Variants in COL5A1 observed in about 807,000 individuals in gnomAD.
COL5A1 encodes the protein collagen alpha-1(V) chain.
Under a neutral mutation model 263.7 loss-of-function variants are expected in COL5A1, and 16 were observed. That is an observed-to-expected ratio of 0.06 (90% CI 0.04 to 0.09). The LOEUF (loss-of-function observed/expected upper bound fraction) is 0.09, where lower values mean the gene tolerates loss of function less well. Among genes scored for constraint, COL5A1 ranks in the 10% least tolerant of loss-of-function variants. The probability of loss-of-function intolerance (pLI) is 1.00; values close to 1 mark genes in which losing one functional copy is unlikely to be tolerated. For synonymous variants in COL5A1, 1,012 were observed against 1,004.5 expected, an observed-to-expected ratio of 1.01 and a Z score of -0.14; for missense variants, 2,036 against 2,540.5, an observed-to-expected ratio of 0.80 and a Z score of 4.27.
At position 134,642,500 on chromosome 9, in the gene COL5A1, T is replaced by TC. The variant is rs1209519756; in HGVS notation, c.109+208dup. ...TGCCCGCGGGCGCGCCGCCGCCCCC[T>TC]CCCCAGACGGGCGGGTCGGGTGGGG... On this transcript the variant is annotated intron_variant, in intron 1 of 65. Transcript: ENST00000371817. The surrounding 1 kb of genome is among the most constrained non-coding windows in gnomAD (Gnocchi z 4.5). 1.5e-5 allele frequency among the ~76,000 whole-genome samples: 2 copies of TC among 129,398 alleles called. No homozygotes were observed. Among genetic ancestry groups the TC allele is most frequent in the Non-Finnish European group, 3.3e-5 (2 of 60,034 alleles). 84.9% of individuals were successfully genotyped at this position (129,398 alleles called of 152,430 possible).
At position 134,785,891 on chromosome 9, in the gene COL5A1, C is replaced by G. The variant is rs569608260; in HGVS notation, c.2593-104C>G. On this transcript the variant is annotated intron_variant, in intron 30 of 65. Transcript: ENST00000371817. The stretch of plus-strand genomic sequence containing the variant: ...GTGCCCCCGCCTCTGGAAACCACAC[C>G]CTCCTCCAGGCCCCTGCCAGAACGC... The G allele has an allele frequency of 2.8e-6, 3 of 1,082,698 alleles. No homozygotes were observed. The East Asian group carries it at 7.7e-5, about 28-fold the overall frequency. 67.1% of individuals were successfully genotyped at this position (1,082,698 alleles called of 1,614,324 possible). A position where few individuals can be genotyped will look rare whatever the true frequency, so the allele number is the denominator to read the frequency against.
rs1836607230 is a variant in COL5A1 at position 134,765,075 on chromosome 9, T to C, written c.2035-606T>C. Among the ~76,000 whole-genome samples the C allele has an allele frequency of 6.6e-6, 1 of 151,970 alleles. No individual in the cohort carries two copies. Among genetic ancestry groups the C allele is most frequent in the Admixed American group, 6.5e-5 (1 of 15,270 alleles). On this transcript the variant is annotated intron_variant, in intron 20 of 65. Coordinates refer to ENST00000371817, the MANE Select transcript of COL5A1 (RefSeq NM_000093.5). The surrounding 1 kb of genome is among the most constrained non-coding windows in gnomAD (Gnocchi z 5.1). ...ACTCCACCTGCGGTAAAGGGGAGGT[T>C]CTGCACGAGCCTCGCCGACCGGAGA...
At chr9:134,713,171 T>G (rs765279590) in intron 4 of COL5A1, among the ~76,000 whole-genome samples, 4 of 152,226 alleles carry the variant, frequency 2.6e-5, no homozygotes, top group Non-Finnish European at 5.9e-5. Context: ...GATAGTGAGT[T>G]TTACCCTAGA....
rs762750454 is a variant in COL5A1 at position 134,768,452 on chromosome 9, G to A, written c.2275G>A (p.Asp759Asn). 6.2e-7 allele frequency: 1 copy of A among 1,614,070 alleles called. No individual in the cohort carries two copies. The highest frequency in any genetic ancestry group is 8.5e-7 in the Non-Finnish European group (1 of 1,180,004). Residue 759 changes from aspartate to asparagine, a missense_variant, in exon 25 of 66, where the codon GAC becomes AAC. Around this residue, in one of 3 missense-constraint regions of COL5A1, gnomAD observed 1,078 missense variants for 1,521.4 expected, o/e 0.71. Coordinates refer to ENST00000371817, the MANE Select transcript of COL5A1 (RefSeq NM_000093.5). ...KPGLPGMPGA[D>N]GPPGHPGKEG... ...AGGCCTTCCAGGAATGCCCGGTGCT[G>A]ACGGACCCCCGGTGAGTAGCCCTGC... is the stretch of plus-strand genomic sequence containing the variant.
chr9:134,743,031 G>C (rs758498223), intron 11 of COL5A1, among the ~76,000 whole-genome samples: 4 of 152,152 alleles, frequency 2.6e-5, no homozygotes, highest in Admixed American at 6.5e-5. Flanking sequence ...GCTTGTGAGC[G>C]CCCCCTACAT....
chr9:134,786,007 G>C lies in COL5A1; in HGVS notation c.2605G>C (p.Val869Leu). 6.2e-7 allele frequency: 1 copy of C among 1,613,464 alleles called. No individual in the cohort carries two copies. Among genetic ancestry groups the C allele is most frequent in the Non-Finnish European group, 8.5e-7 (1 of 1,179,790 alleles). Residue 869 changes from valine to leucine, a missense_variant, in exon 31 of 66, where the codon GTC becomes CTC. Physicochemically the swap from Val to Leu is conservative, Grantham distance 32. Transcript: ENST00000371817. ...GPPGEKGKLG[V>L]PGLPGYPGRQ... Reference sequence around the variant, plus strand: ...TTTCTTCCCCCAGGGAAAACTCGGAGTCCCAGGGTTACCAGGGTATCCAGG... The same window carrying C: ...TTTCTTCCCCCAGGGAAAACTCGGACTCCCAGGGTTACCAGGGTATCCAGG...
intron 11 of COL5A1, among the ~76,000 whole-genome samples, chr9:134,740,072 T>C (rs951515410): frequency 6.6e-6 from 1 of 152,214 alleles, no homozygotes; most frequent in African/African-American, 2.4e-5. Flanking sequence ...AGGCGGGTCT[T>C]GCTCCATGGC....
At chr9:134,726,575 G>T (rs1289691312) in intron 4 of COL5A1, among the ~76,000 whole-genome samples, 1 of 151,988 alleles carries the variant, frequency 6.6e-6, no homozygotes, top group African/African-American at 2.4e-5. Context: ...TGGACAGACG[G>T]ATGGAGGAGT....
rs1833452344 is a variant in COL5A1 at position 134,696,102 on chromosome 9, C to A, written c.278-3807C>A. On this transcript the variant is annotated intron_variant, in intron 2 of 65. Transcript: ENST00000371817. The surrounding 1 kb of genome is among the most constrained non-coding windows in gnomAD (Gnocchi z 4.3). ...GCCCCCTGTCCAAAGTTAGCCACACCCCGCATTCATTTCCTATCCTCTGAC... is the reference window on the plus strand; with the variant it reads ...GCCCCCTGTCCAAAGTTAGCCACACACCGCATTCATTTCCTATCCTCTGAC... Among the ~76,000 whole-genome samples the A allele has an allele frequency of 6.6e-6, 1 of 152,130 alleles. No individual in the cohort carries two copies. The highest frequency in any genetic ancestry group is 2.4e-5 in the African/African-American group (1 of 41,406).
chr9:134,835,077 A>G lies in COL5A1; in HGVS notation c.5243A>G (p.Gln1748Arg), dbSNP rs2132925725. The G allele has an allele frequency of 6.2e-7, 1 of 1,613,594 alleles. No homozygotes were observed. The highest frequency in any genetic ancestry group is 8.5e-7 in the Non-Finnish European group (1 of 1,179,990). The change falls in exon 65 of 66, where the codon CAG (glutamine) becomes CGG (arginine). Residue 1748 changes from glutamine (Q) to arginine (R), a missense_variant. Coordinates refer to ENST00000371817, the MANE Select transcript of COL5A1 (RefSeq NM_000093.5). ...AHQNVTYHCY[Q>R]SVAWQDAATG... ...CAGAACGTCACCTACCACTGCTACC[A>G]GTCAGTGGCCTGGCAGGACGCAGCC...
At chr9:134,717,165 C>T (rs781719813) in intron 4 of COL5A1, among the ~76,000 whole-genome samples, 11 of 152,112 alleles carry the variant, frequency 7.2e-5, no homozygotes, top group South Asian at 2.1e-4. Context: ...ACGTGCGCAG[C>T]GCTAAGGACG....
chr9:134,781,622 G>C (rs1158510944), intron 28 of COL5A1, among the ~76,000 whole-genome samples: 2 of 152,236 alleles, frequency 1.3e-5, no homozygotes, highest in Admixed American at 6.5e-5. Context: ...ATGCCTTCTT[G>C]CCAGGAGAGC....
intron 36 of COL5A1, 108 bp downstream of exon 36, chr9:134,797,009 C>A: frequency 2.5e-6 from 3 of 1,199,674 alleles, no homozygotes; most frequent in Non-Finnish European, 3.7e-6. Flanking sequence ...GAGCTCCTCA[C>A]AGTGGCCGGT....
intron 27 of COL5A1, among the ~76,000 whole-genome samples, chr9:134,778,497 T>C (rs3124931): frequency 0.97 from 147,298 of 152,350 alleles, 71,228 homozygotes; most frequent in East Asian, 1. Flanking sequence ...CAGGCTGGGG[T>C]AGAGACTAGC....
At chr9:134,826,143 GC>G (rs749776292) in intron 63 of COL5A1, among the ~76,000 whole-genome samples, 14 of 152,248 alleles carry the variant, frequency 9.2e-5, no homozygotes, top group Non-Finnish European at 1.6e-4. Context: ...TTTCCACCTG[GC>G]ATCCTGCCGT....
chr9:134,746,973 C>T (rs895494611), intron 11 of COL5A1, among the ~76,000 whole-genome samples: 9 of 152,168 alleles, frequency 5.9e-5, no homozygotes, highest in East Asian at 3.9e-4. Flanking sequence ...GAGGTGTAGC[C>T]GTGTCTTTCA....
At chr9:134,732,361 G>A (rs551747194) in intron 9 of COL5A1, 2 of 620,688 alleles carry the variant, frequency 3.2e-6, no homozygotes, top group Admixed American at 2.4e-5. Flanking sequence ...GATAGGTGCT[G>A]ATCAAAGCCG....
chr9:134,707,192 C>T (rs1037577296), intron 4 of COL5A1, among the ~76,000 whole-genome samples: 3 of 152,108 alleles, frequency 2.0e-5, no homozygotes, highest in Non-Finnish European at 2.9e-5. Context: ...GGGGGACAGC[C>T]GGCCAGCGAG....
At chr9:134,653,643 G>T (rs1831773914) in intron 1 of COL5A1, among the ~76,000 whole-genome samples, 1 of 152,202 alleles carries the variant, frequency 6.6e-6, no homozygotes, top group Admixed American at 6.5e-5. Context: ...CAGAGCCAGG[G>T]ATCTGTAGGA....
Sources: allele counts gnomAD v4.1 joint callset (sites outside exome capture counted in the v4.1 genomes callset), GRCh38; gene constraint gnomAD v4.1.1; regional missense constraint gnomAD v4.1.1; non-coding constraint Gnocchi (gnomAD v3.1); transcripts MANE v1.5; gene names NCBI Gene and HGNC (gene_info 2026-07-23, HGNC 2026-07-21).